AFF1: variants seen among roughly 807,000 people sequenced by gnomAD.
The protein encoded by AFF1 is ALF transcription elongation factor 1.
AFF1 carries 48 observed loss-of-function variants against 121.7 expected under a neutral mutation model. The ratio of observed to expected loss-of-function variants is 0.39; its 90% confidence interval spans 0.31 to 0.50. The LOEUF is 0.50. Among genes scored for constraint, AFF1 ranks in the 20% least tolerant of loss-of-function variants. AFF1 has a pLI of 0.76. For missense variants in AFF1, 1,523 were observed against 1,511.7 expected, an observed-to-expected ratio of 1.01 and a Z score of -0.12; for synonymous variants, 613 against 563.0, an observed-to-expected ratio of 1.09 and a Z score of -1.26.
chr4:87,062,201 A>G (rs1374696610), intron 4 of AFF1, among the ~76,000 whole-genome samples: 1 of 152,184 alleles, frequency 6.6e-6, no homozygotes, highest in East Asian at 1.9e-4. Context: ...ATAGACATTT[A>G]TTTCTCGCAG....
intron 2 of AFF1, among the ~76,000 whole-genome samples, chr4:86,977,767 C>T (rs1723416274): frequency 1.3e-5 from 2 of 152,190 alleles, no homozygotes; most frequent in Non-Finnish European, 2.9e-5. Flanking sequence ...ACTGGGCACT[C>T]AATAAATGTT....
At position 86,948,539 on chromosome 4, in the gene AFF1, A is replaced by G. The variant is rs537634174; in HGVS notation, c.6A>G (p.Ala2=). The change falls in exon 2 of 21, where the codon GCA becomes GCG. Residue 2 remains alanine, a synonymous_variant. Coordinates refer to ENST00000395146, the MANE Select transcript of AFF1 (RefSeq NM_001166693.3). The part of the protein sequence containing the change: M[A]FTERVNSSGN... ...CTTTGCATTGACTGGAAACAATGGC[A>G]TTTACAGAAAGAGTCAACAGCAGTG... 6.5e-7 allele frequency: 1 copy of G among 1,537,006 alleles called. No homozygotes were observed. The highest frequency in any genetic ancestry group is 2.4e-5 in the East Asian group (1 of 40,880).
intron 2 of AFF1, chr4:87,007,114 T>C: frequency 7.9e-7 from 1 of 1,264,256 alleles, no homozygotes; most frequent in Non-Finnish European, 1.0e-6. Flanking sequence ...CCGGGGGCGC[T>C]CGCTTGCCCC....
chr4:86,945,580 G>C (rs1033845786), intron 1 of AFF1, among the ~76,000 whole-genome samples: 1 of 143,910 alleles, frequency 6.9e-6, no homozygotes, highest in Non-Finnish European at 1.5e-5. Context: ...GTTCACTGCA[G>C]CTTCCTCCTT....
chr4:87,073,314 A>AAAAAAAAAT, intron 4 of AFF1, among the ~76,000 whole-genome samples: 1 of 109,840 alleles, frequency 9.1e-6, no homozygotes, highest in Admixed American at 9.2e-5. Context: ...AAAAAAAAAA[A>AAAAAAAAAT]GCGGGGGCGG....
chr4:86,944,784 T>C (rs982983889), intron 1 of AFF1, among the ~76,000 whole-genome samples: 1 of 152,248 alleles, frequency 6.6e-6, no homozygotes, highest in Non-Finnish European at 1.5e-5. Flanking sequence ...CTTGAGTCAC[T>C]TTTTATATTC....
chr4:87,024,191 T>C (rs1396375721), intron 2 of AFF1, among the ~76,000 whole-genome samples: 1 of 152,178 alleles, frequency 6.6e-6, no homozygotes, highest in Non-Finnish European at 1.5e-5. Flanking sequence ...GACTTACATG[T>C]AAATGTCTCC....
At chr4:87,076,534 T>TTAA (rs1334225017) in intron 4 of AFF1, among the ~76,000 whole-genome samples, 1 of 152,264 alleles carries the variant, frequency 6.6e-6, no homozygotes, top group Non-Finnish European at 1.5e-5. Flanking sequence ...GATTTAACAG[T>TTAA]TAAAGTTGGT....
At chr4:87,022,229 ATG>A (rs1420795891) in intron 2 of AFF1, among the ~76,000 whole-genome samples, 2 of 138,690 alleles carry the variant, frequency 1.4e-5, no homozygotes, top group Non-Finnish European at 3.2e-5. Context: ...AAAAAAAAAA[ATG>A]CCATGCTAAA....
chr4:87,023,312 G>T (rs1368331949), intron 2 of AFF1, among the ~76,000 whole-genome samples: 1 of 152,138 alleles, frequency 6.6e-6, no homozygotes, highest in Non-Finnish European at 1.5e-5. Context: ...AATTGACAAG[G>T]AAATGAATGG....
intron 2 of AFF1, among the ~76,000 whole-genome samples, chr4:86,974,953 CCT>C (rs1560511565): frequency 6.6e-6 from 1 of 152,142 alleles, no homozygotes; most frequent in Non-Finnish European, 1.5e-5. Flanking sequence ...CTTCCATCCC[CCT>C]GTGTCCGTGC....
At chr4:87,123,360 C>T (rs1248825037) in intron 12 of AFF1, among the ~76,000 whole-genome samples, 1 of 152,178 alleles carries the variant, frequency 6.6e-6, no homozygotes, top group African/African-American at 2.4e-5. Flanking sequence ...AGTTCAGGTG[C>T]TCCCTAGATG....
chr4:87,039,860 C>G (rs1285326433), intron 2 of AFF1, among the ~76,000 whole-genome samples: 6 of 152,122 alleles, frequency 3.9e-5, no homozygotes, highest in Non-Finnish European at 8.8e-5. Context: ...AGGGGCACAT[C>G]AGAGGCTCTG....
chr4:87,028,991 G>T (rs999905700), intron 2 of AFF1, among the ~76,000 whole-genome samples: 1 of 152,092 alleles, frequency 6.6e-6, no homozygotes, highest in African/African-American at 2.4e-5. Context: ...CTTCCTTTTG[G>T]CCACAATGAG....
Position 87,126,907 on chromosome 4 carries a change from A to G in AFF1, c.2812-119A>G, listed in dbSNP as rs141413956. On this transcript the variant is annotated intron_variant, in intron 14 of 20. Transcript: ENST00000395146. The stretch of plus-strand genomic sequence containing the variant: ...AGTGTTTAGCCAGGGTAGATTGTGC[A>G]TTGTTTGATTTACTCTTTTTTGAAA... The G allele has an allele frequency of 6.4e-4, 531 of 830,474 alleles. 3 individuals carry two copies. The East Asian group carries it at 0.013, about 20-fold the overall frequency. The allele number at this position is 830,474 out of a possible 1,614,324, so 51.4% of individuals were successfully genotyped here. A position where few individuals can be genotyped will look rare whatever the true frequency, so the allele number is the denominator to read the frequency against.
At chr4:86,963,971 T>G (rs367995040) in intron 2 of AFF1, among the ~76,000 whole-genome samples, 1 of 149,642 alleles carries the variant, frequency 6.7e-6, no homozygotes, top group African/African-American at 2.5e-5. Flanking sequence ...TGGTTTTTTT[T>G]TTTTTTTTTT....
intron 16 of AFF1, among the ~76,000 whole-genome samples, chr4:87,128,645 C>T (rs890606978): frequency 1.3e-5 from 2 of 152,172 alleles, no homozygotes; most frequent in African/African-American, 4.8e-5. Context: ...CCCGCAAGAT[C>T]CTGGCCTGGT....
At chr4:87,074,561 T>C (rs1183264147) in intron 4 of AFF1, among the ~76,000 whole-genome samples, 3 of 152,232 alleles carry the variant, frequency 2.0e-5, no homozygotes, top group Non-Finnish European at 4.4e-5. Flanking sequence ...TACATTTGTT[T>C]TTCATTCAGG....
intron 2 of AFF1, among the ~76,000 whole-genome samples, chr4:86,960,356 G>A (rs1214136817): frequency 6.6e-6 from 1 of 152,170 alleles, no homozygotes; most frequent in East Asian, 1.9e-4. Flanking sequence ...TTACAGTAAA[G>A]TGGAACAGGG....
Sources: gnomAD v4.1 joint callset for allele counts (sites outside exome capture counted in the v4.1 genomes callset) on GRCh38, gnomAD v4.1.1 for gene constraint, MANE v1.5 for transcripts, NCBI Gene and HGNC (gene_info 2026-07-23, HGNC 2026-07-21) for gene names.